The following DSC3 variants were observed in gnomAD, a reference collection of about 807,000 sequenced individuals.
DSC3 encodes desmocollin 3.
Under a neutral mutation model 89.5 loss-of-function variants are expected in DSC3, and 97 were observed. That is an observed-to-expected ratio of 1.08 (90% confidence interval 0.92 to 1.28). The LOEUF (loss-of-function observed/expected upper bound fraction) is 1.28. DSC3 is among the 50% of genes most tolerant of loss of function. The probability of loss-of-function intolerance (pLI) is 0.00; values close to 1 mark genes in which losing one functional copy is unlikely to be tolerated. For synonymous variants in DSC3, 436 were observed against 384.1 expected (o/e 1.14, Z -1.58); for missense variants, 1,199 against 1,085.3 (o/e 1.10, Z -1.47).
At position 31,008,052 on chromosome 18, in the gene DSC3, C is replaced by G. The variant is rs749766506; in HGVS notation, c.1627G>C (p.Glu543Gln). Reference sequence around the variant, plus strand: ...GCCAGGACTGTAATATTATACAACTCATTTTTGGGAGTTTCAACCTCCCTA... The same window carrying G: ...GCCAGGACTGTAATATTATACAACTGATTTTTGGGAGTTTCAACCTCCCTA... Reference protein sequence around the residue: ...LDREVETPKNELYNITVLAID... With the variant: ...LDREVETPKNQLYNITVLAID... The change falls in exon 11 of 16, where the codon GAG becomes CAG. Residue 543 changes from glutamate to glutamine, a missense_variant. By Grantham distance (29) the Glu-to-Gln change is conservative (BLOSUM62 2). Coordinates refer to ENST00000360428, the MANE Select transcript of DSC3 (RefSeq NM_001941.5). 1.2e-6 allele frequency: 2 copies of G among 1,612,972 alleles called. No individual in the cohort carries two copies. Among genetic ancestry groups the G allele is most frequent in the Non-Finnish European group, 1.7e-6 (2 of 1,179,608 alleles).
chr18:31,023,453 T>C (rs139943068), intron 6 of DSC3, among the ~76,000 whole-genome samples: 82 of 152,274 alleles, frequency 5.4e-4, no homozygotes, highest in African/African-American at 1.9e-3. Context: ...ACAATAAAAT[T>C]TATTTAAAAA....
chr18:31,002,037 A>G (rs1268016158), intron 13 of DSC3, among the ~76,000 whole-genome samples: 3 of 152,206 alleles, frequency 2.0e-5, no homozygotes, highest in African/African-American at 4.8e-5. Context: ...ACTGACATTT[A>G]AGACAAAGAC....
At chr18:31,033,914 C>T (rs1985885180) in intron 1 of DSC3, among the ~76,000 whole-genome samples, 1 of 152,180 alleles carries the variant, frequency 6.6e-6, no homozygotes. Context: ...AGCTCCGCCT[C>T]CCAGGTTCAC....
Position 30,996,939 on chromosome 18 carries a change from A to G in DSC3, c.2345T>C (p.Met782Thr). ...TTCCAAGGTCTGGTTTCCTCCTTTC[A>G]TCATTTCAATGGTTTCCTGCCCTCC... ...KNGGQETIEM[M>T]KGGNQTLESC... is the part of the protein sequence containing the mutation. The change falls in exon 15 of 16, where the codon ATG (methionine) becomes ACG (threonine). Residue 782 changes from methionine to threonine, a missense_variant. Met to Thr is a moderately conservative substitution (Grantham distance 81, BLOSUM62 -1). Transcript: ENST00000360428. 1 of 1,614,098 alleles carries G rather than the reference A, an allele frequency of 6.2e-7. No homozygotes were observed. The highest frequency in any genetic ancestry group is 8.5e-7 in the Non-Finnish European group (1 of 1,180,008).
intron 3 of DSC3, among the ~76,000 whole-genome samples, chr18:31,030,684 G>C (rs1411833135): frequency 4.0e-5 from 6 of 151,570 alleles, no homozygotes; most frequent in African/African-American, 1.5e-4. Context: ...GTGAGAGGTA[G>C]AGAGAAGGAT....
chr18:31,017,146 T>C (rs150754174), intron 9 of DSC3, among the ~76,000 whole-genome samples: 5 of 152,300 alleles, frequency 3.3e-5, no homozygotes, highest in African/African-American at 4.8e-5. Context: ...GATCATATTA[T>C]AGAAAAATAA....
chr18:31,014,154 C>T (rs1368290485), intron 9 of DSC3, among the ~76,000 whole-genome samples: 2 of 151,852 alleles, frequency 1.3e-5, no homozygotes, highest in Non-Finnish European at 2.9e-5. Flanking sequence ...ATAAGGAATA[C>T]AGAATATCCA....
chr18:31,018,256 A>G lies in DSC3; in HGVS notation c.1078T>C (p.Tyr360His), dbSNP rs1331729923. The G allele has an allele frequency of 6.2e-7, 1 of 1,606,304 alleles. No individual in the cohort carries two copies. Among genetic ancestry groups the G allele is most frequent in the Non-Finnish European group, 8.5e-7 (1 of 1,177,012 alleles). The change falls in exon 9 of 16, where the codon TAT becomes CAT. Residue 360 changes from tyrosine to histidine, a missense_variant and splice_region_variant. By Grantham distance (83) the Tyr-to-His change is moderately conservative. Coordinates refer to ENST00000360428, the MANE Select transcript of DSC3 (RefSeq NM_001941.5). ...GCATTTTCCTCTACAAATGCTTCAT[A>G]CTGAAACAGAAAGAAGTCATTGAAA... ...DNAPTFRQNA[Y>H]EAFVEENAFN...
chr18:31,042,557 C>G, intron 1 of DSC3, 35 bp downstream of exon 1: 1 of 1,545,382 alleles, frequency 6.5e-7, no homozygotes, highest in Non-Finnish European at 8.8e-7. Context: ...CACCCCCGTC[C>G]CCACCCCAGC....
At chr18:31,035,175 A>T (rs781365369) in intron 1 of DSC3, among the ~76,000 whole-genome samples, 19 of 152,164 alleles carry the variant, frequency 1.2e-4, no homozygotes, top group Non-Finnish European at 2.6e-4. Context: ...AAATACTTTA[A>T]CTCACGGTAA....
intron 5 of DSC3, among the ~76,000 whole-genome samples, chr18:31,025,148 C>T (rs191583557): frequency 2.6e-5 from 4 of 152,082 alleles, no homozygotes; most frequent in Admixed American, 6.6e-5. Flanking sequence ...TCTCTCTTTC[C>T]GAAAATCATT....
chr18:31,007,265 T>C lies in DSC3; in HGVS notation c.1664-134A>G, dbSNP rs543385703. On this transcript the variant is annotated intron_variant, in intron 11 of 15. Coordinates refer to ENST00000360428, the MANE Select transcript of DSC3 (RefSeq NM_001941.5). ...ATTATTAAAGGAAATGATAAATAAA[T>C]AAGAACATAGACAGATAAATAGAAT... The C allele has an allele frequency of 1.7e-4, 112 of 663,942 alleles. 1 individual carries two copies. The South Asian group carries it at 2.1e-3, about 12-fold the overall frequency. 41.1% of individuals were successfully genotyped at this position (663,942 alleles called of 1,614,324 possible).
At chr18:31,006,873 C>A (rs1984860392) in intron 12 of DSC3, 34 bp downstream of exon 12, 1 of 1,497,590 alleles carries the variant, frequency 6.7e-7, no homozygotes, top group Non-Finnish European at 9.2e-7. Flanking sequence ...TCTGTTATTT[C>A]AGAGTTTATA....
At chr18:31,015,497 A>G (rs1185747199) in intron 9 of DSC3, among the ~76,000 whole-genome samples, 1 of 152,220 alleles carries the variant, frequency 6.6e-6, no homozygotes, top group Non-Finnish European at 1.5e-5. Flanking sequence ...ATTAGAGTAT[A>G]TTCTTTAGAA....
rs1320163310 is a variant in DSC3, at chr18:30,990,158, G to A, written c.*4017C>T. ...GCAGGCAGTGTTCTATGTACTTTAGGTATAGTAACTCATTTAATCATTCAA... is the reference window on the plus strand; with the variant it reads ...GCAGGCAGTGTTCTATGTACTTTAGATATAGTAACTCATTTAATCATTCAA... On this transcript the variant is annotated 3_prime_UTR_variant, in exon 16 of 16. Coordinates refer to ENST00000360428, the MANE Select transcript of DSC3 (RefSeq NM_001941.5). The A allele has an allele frequency of 6.6e-6, 1 of 152,016 alleles. No homozygotes were observed. Among genetic ancestry groups the A allele is most frequent in the Non-Finnish European group, 1.5e-5 (1 of 68,008 alleles). 9.4% of individuals were successfully genotyped at this position (152,016 alleles called of 1,614,324 possible).
chr18:31,042,024 G>A (rs1442863641), intron 1 of DSC3, among the ~76,000 whole-genome samples: 2 of 152,010 alleles, frequency 1.3e-5, no homozygotes, highest in Non-Finnish European at 2.9e-5. Flanking sequence ...TGGACCGCTT[G>A]GGTGAGCTTC....
At chr18:30,999,469 A>G (rs766615458) in intron 14 of DSC3, among the ~76,000 whole-genome samples, 7 of 152,088 alleles carry the variant, frequency 4.6e-5, no homozygotes, top group Non-Finnish European at 1.0e-4. Flanking sequence ...AACCCTCCTA[A>G]TTATTAAATC....
intron 1 of DSC3, among the ~76,000 whole-genome samples, chr18:31,033,526 G>A (rs1985871698): frequency 6.6e-6 from 1 of 152,016 alleles, no homozygotes; most frequent in Non-Finnish European, 1.5e-5. Context: ...ATGGTGTTGG[G>A]ATAATTTGAT....
At chr18:31,010,582 G>A (rs1378219356) in intron 9 of DSC3, among the ~76,000 whole-genome samples, 1 of 152,184 alleles carries the variant, frequency 6.6e-6, no homozygotes, top group East Asian at 1.9e-4. Context: ...TAATAGGAAA[G>A]CCTGTAAATT....
Sources: allele counts gnomAD v4.1 joint callset (sites outside exome capture counted in the v4.1 genomes callset), GRCh38; gene constraint gnomAD v4.1.1; transcripts MANE v1.5; gene names NCBI Gene and HGNC (gene_info 2026-07-23, HGNC 2026-07-21).